Variants in RGL1 observed in about 807,000 individuals in gnomAD.
RGL1 encodes ral guanine nucleotide dissociation stimulator like 1, also known as ral guanine nucleotide dissociation stimulator-like 1.
In RGL1, 24 loss-of-function variants were observed where a neutral mutation model predicts 95.2. The ratio of observed to expected loss-of-function variants is 0.25; its 90% CI spans 0.18 to 0.35. RGL1 has a LOEUF of 0.35. Ranked by LOEUF, RGL1 falls within the 10% of genes least tolerant of loss-of-function variation. The pLI is 1.00. For synonymous variants in RGL1, 329 were observed against 344.9 expected, an observed-to-expected ratio of 0.95 and a Z score of 0.51; for missense variants, 715 against 936.3, an observed-to-expected ratio of 0.76 and a Z score of 3.08.
Position 183,880,649 on chromosome 1 carries a change from C to T in RGL1, c.459C>T (p.Asp153=). ...CTTCCATACTAAGGGCCTGGCTTGA[C>T]CAGTGTGCAGAAGACTTCCGAGAGC... is the stretch of plus-strand genomic sequence containing the variant. ...AIASILRAWL[D]QCAEDFREPP... Residue 153 remains aspartate, a synonymous_variant, in exon 5 of 18, where the codon GAC becomes GAT. Transcript: ENST00000360851. 1 of 1,613,872 alleles carries T rather than the reference C, an allele frequency of 6.2e-7. No individual in the cohort carries two copies. The highest frequency in any genetic ancestry group is 8.5e-7 in the Non-Finnish European group (1 of 1,179,820).
At chr1:183,719,625 G>A (rs1472844515) in intron 1 of RGL1, among the ~76,000 whole-genome samples, 1 of 152,174 alleles carries the variant, frequency 6.6e-6, no homozygotes, top group Admixed American at 6.5e-5. Context: ...AAAATTAAAG[G>A]CCAGGTGCAG....
intron 5 of RGL1, among the ~76,000 whole-genome samples, chr1:183,881,426 C>T (rs1314639978): frequency 1.3e-5 from 2 of 152,182 alleles, no homozygotes; most frequent in Non-Finnish European, 2.9e-5. Context: ...AGATTAACTT[C>T]CTATTTGCAA....
chr1:183,864,494 C>T (rs1279592765), intron 3 of RGL1, among the ~76,000 whole-genome samples: 3 of 152,156 alleles, frequency 2.0e-5, no homozygotes, highest in African/African-American at 4.8e-5. Flanking sequence ...TGAGAGAGTA[C>T]GAGGACATAG....
intron 2 of RGL1, among the ~76,000 whole-genome samples, chr1:183,781,125 C>T (rs1166118871): frequency 6.6e-6 from 1 of 152,184 alleles, no homozygotes; most frequent in Non-Finnish European, 1.5e-5. Context: ...CAGGCATGGA[C>T]TAGTTCCTCT....
At chr1:183,789,431 C>T (rs571686086) in intron 2 of RGL1, among the ~76,000 whole-genome samples, 11 of 151,994 alleles carry the variant, frequency 7.2e-5, no homozygotes, top group African/African-American at 1.9e-4. Context: ...GCCTGGGCAA[C>T]GAGTGAAACT....
At chr1:183,881,116 G>A (rs1666801410) in intron 5 of RGL1, among the ~76,000 whole-genome samples, 1 of 152,178 alleles carries the variant, frequency 6.6e-6, no homozygotes, top group African/African-American at 2.4e-5. Flanking sequence ...ACCAAGAAGA[G>A]GGTCTCCTTG....
At chr1:183,716,121 C>T (rs1041534184) in intron 1 of RGL1, among the ~76,000 whole-genome samples, 3 of 152,122 alleles carry the variant, frequency 2.0e-5, no homozygotes, top group African/African-American at 7.2e-5. Flanking sequence ...AATGTTAAAC[C>T]AACTATCCGG....
intron 1 of RGL1, chr1:183,647,486 G>A: frequency 1.1e-6 from 1 of 879,002 alleles, no homozygotes; most frequent in Non-Finnish European, 1.5e-6. Flanking sequence ...AGTTGCTTAT[G>A]GAAACATTTT....
At chr1:183,836,538 G>A (rs34310691) in intron 2 of RGL1, among the ~76,000 whole-genome samples, 52,297 of 152,024 alleles carry the variant, frequency 0.34, 10,560 homozygotes, top group Non-Finnish European at 0.45. Context: ...CAAAGTGCGG[G>A]AATACAGGCG....
At chr1:183,811,540 T>C (rs1259084855) in intron 2 of RGL1, among the ~76,000 whole-genome samples, 1 of 152,236 alleles carries the variant, frequency 6.6e-6, no homozygotes, top group Non-Finnish European at 1.5e-5. Context: ...TATGTGTAAA[T>C]GAACCAACTG....
rs1293566611 is a variant in RGL1, at chr1:183,887,578, A to G, written c.952-896A>G. The stretch of plus-strand genomic sequence containing the variant: ...CTGTATATGAAGCATCTCCTTTGAC[A>G]TAAGGCCTGGTCCAGTCTCCTCACG... On this transcript the variant is annotated intron_variant, in intron 7 of 17. Coordinates refer to ENST00000360851, the MANE Select transcript of RGL1 (RefSeq NM_001297671.3). Among the ~76,000 whole-genome samples, 2 of 152,142 alleles carry G rather than the reference A, an allele frequency of 1.3e-5. 1 individual carries two copies. Among genetic ancestry groups the G allele is most frequent in the Non-Finnish European group, 2.9e-5 (2 of 68,018 alleles).
chr1:183,905,322 C>T (rs951434939), intron 13 of RGL1, among the ~76,000 whole-genome samples: 11 of 152,186 alleles, frequency 7.2e-5, no homozygotes, highest in African/African-American at 2.4e-4. Context: ...TCACCACCAC[C>T]ACTGTCACTG....
In RGL1 at chr1:183,895,179, G is replaced by T. The variant is rs547816776; in HGVS notation, c.1141-2629G>T. On this transcript the variant is annotated intron_variant, in intron 9 of 17. Coordinates refer to ENST00000360851, the MANE Select transcript of RGL1 (RefSeq NM_001297671.3). ...TAGAGCAAGAGTCTGTTACAACTGT[G>T]ACAGTTCTGAGCTATAATTGCTGGT... Among the ~76,000 whole-genome samples, 113 of 152,296 alleles carry T rather than the reference G, an allele frequency of 7.4e-4. 1 individual carries two copies. Among genetic ancestry groups the T allele is most frequent in the African/African-American group, 2.6e-3 (107 of 41,566 alleles).
At chr1:183,647,493 T>G in intron 1 of RGL1, 1 of 966,930 alleles carries the variant, frequency 1.0e-6, no homozygotes. Context: ...TATGGAAACA[T>G]TTTGGATTAT....
intron 2 of RGL1, among the ~76,000 whole-genome samples, chr1:183,799,974 A>G (rs1470950530): frequency 6.6e-6 from 1 of 152,212 alleles, no homozygotes; most frequent in South Asian, 2.1e-4. Context: ...GATACTTTAC[A>G]TAGTATATTT....
At chr1:183,703,502 A>G (rs1654724304) in intron 1 of RGL1, among the ~76,000 whole-genome samples, 1 of 152,140 alleles carries the variant, frequency 6.6e-6, no homozygotes, top group African/African-American at 2.4e-5. Context: ...ACCCTCCTAG[A>G]ATGTTTGTTG....
At chr1:183,847,931 C>T (rs1664554610) in intron 3 of RGL1, among the ~76,000 whole-genome samples, 157 bp downstream of exon 3, 1 of 152,164 alleles carries the variant, frequency 6.6e-6, no homozygotes. Context: ...AAAAGAAGAT[C>T]ATTCAGGAGC....
At chr1:183,897,563 C>A (rs1179253193) in intron 9 of RGL1, among the ~76,000 whole-genome samples, 8 of 147,570 alleles carry the variant, frequency 5.4e-5, no homozygotes, top group African/African-American at 7.5e-5. Context: ...AAAAAAAAAA[C>A]AAAGTTGGGG....
At chr1:183,732,046 A>G (rs1656658880) in intron 1 of RGL1, among the ~76,000 whole-genome samples, 1 of 152,126 alleles carries the variant, frequency 6.6e-6, no homozygotes, top group African/African-American at 2.4e-5. Flanking sequence ...CTGTGACAGC[A>G]TGGTGCTAGG....
Sources: gnomAD v4.1 joint callset for allele counts (sites outside exome capture counted in the v4.1 genomes callset) on GRCh38, gnomAD v4.1.1 for gene constraint, MANE v1.5 for transcripts, NCBI Gene and HGNC (gene_info 2026-07-23, HGNC 2026-07-21) for gene names.